PCDHA9: variants seen among roughly 807,000 people sequenced by gnomAD.
PCDHA9 encodes the protein protocadherin alpha-9.
PCDHA9 carries 62 observed loss-of-function variants against 62.0 expected under a neutral mutation model. The observed-to-expected ratio is 1.00, with a 90% confidence interval of 0.81 to 1.23. The LOEUF is 1.23. Ranked by LOEUF, PCDHA9 falls within the 50% of genes most tolerant of loss-of-function variation. The probability of loss-of-function intolerance (pLI) is 0.00; values close to 1 mark genes in which losing one functional copy is unlikely to be tolerated. For synonymous variants in PCDHA9, 557 were observed against 567.6 expected, an observed-to-expected ratio of 0.98 and a Z score of 0.27; for missense variants, 1,205 against 1,249.8, an observed-to-expected ratio of 0.96 and a Z score of 0.54.
chr5:140,895,500 G>A (rs1554186539), intron 1 of PCDHA9, among the ~76,000 whole-genome samples: 2 of 152,046 alleles, frequency 1.3e-5, no homozygotes, highest in African/African-American at 2.4e-5. Context: ...CAGAACTTTT[G>A]CCCAATTTTT....
chr5:140,920,996 CAG>C (rs1554200030), intron 1 of PCDHA9, among the ~76,000 whole-genome samples: 3 of 151,876 alleles, frequency 2.0e-5, no homozygotes, highest in African/African-American at 7.3e-5. Context: ...CTTATTTTTT[CAG>C]AGTCAGGGTC....
chr5:140,928,007 ATGG>A (rs1183344805), intron 1 of PCDHA9: 2 of 1,613,998 alleles, frequency 1.2e-6, no homozygotes, highest in Non-Finnish European at 1.7e-6. Context: ...CTCGATTCTA[ATGG>A]TAGGGTCATT....
intron 3 of PCDHA9, chr5:140,988,926 A>C (rs562175503): frequency 6.6e-6 from 1 of 152,238 alleles, no homozygotes; most frequent in Non-Finnish European, 1.5e-5. Flanking sequence ...ATAGAACAAC[A>C]CTGTTCTCTT....
chr5:140,981,456 C>G (rs2096933076), intron 2 of PCDHA9, among the ~76,000 whole-genome samples: 1 of 152,054 alleles, frequency 6.6e-6, no homozygotes, highest in African/African-American at 2.4e-5. Flanking sequence ...TGCCTGTAGT[C>G]CCAGCTACTT....
At chr5:140,882,208 G>C (rs1554173113) in intron 1 of PCDHA9, 2 of 1,531,598 alleles carry the variant, frequency 1.3e-6, no homozygotes, top group East Asian at 4.5e-5. Flanking sequence ...GGCCTTGAGA[G>C]ACAGTTTGAG....
chr5:140,885,391 T>G, intron 1 of PCDHA9, among the ~76,000 whole-genome samples: 1 of 152,112 alleles, frequency 6.6e-6, no homozygotes, highest in East Asian at 1.9e-4. Context: ...TCCCTGCAAA[T>G]CTAATGGTTT....
intron 1 of PCDHA9, chr5:140,877,387 G>A: frequency 6.2e-7 from 1 of 1,614,010 alleles, no homozygotes; most frequent in Non-Finnish European, 8.5e-7. Flanking sequence ...CATCCTGGAT[G>A]AGGCGGACGC....
intron 1 of PCDHA9, chr5:140,870,575 A>G (rs2052179546): frequency 6.2e-7 from 1 of 1,613,690 alleles, no homozygotes; most frequent in Admixed American, 1.7e-5. Flanking sequence ...CTGGTGTCCT[A>G]CTCGCTGGTG....
chr5:140,871,302 G>T lies in PCDHA9; in HGVS notation c.2394+20413G>T, dbSNP rs2052939724. ...CGCCCACTGAGGGCGCGTGCGCGCCGGGGAAGCCCACGCTGGTGTGCTCCC... is the reference window on the plus strand; with the variant it reads ...CGCCCACTGAGGGCGCGTGCGCGCCTGGGAAGCCCACGCTGGTGTGCTCCC... On this transcript the variant is annotated intron_variant, in intron 1 of 3. Coordinates refer to ENST00000532602, the MANE Select transcript of PCDHA9 (RefSeq NM_031857.2). 1.9e-6 allele frequency: 3 copies of T among 1,613,974 alleles called. 1 individual carries two copies. Among genetic ancestry groups the T allele is most frequent in the South Asian group, 2.2e-5 (2 of 91,078 alleles).
intron 1 of PCDHA9, among the ~76,000 whole-genome samples, chr5:140,939,663 C>T (rs1282923741): frequency 6.6e-6 from 1 of 152,116 alleles, no homozygotes; most frequent in Non-Finnish European, 1.5e-5. Context: ...ACAGGAATAA[C>T]CAACTTGTAT....
chr5:140,853,550 A>G lies in PCDHA9; in HGVS notation c.2394+2661A>G, dbSNP rs1220580978. The G allele has an allele frequency of 5.1e-6, 5 of 979,400 alleles. 1 individual carries two copies. Among genetic ancestry groups the G allele is most frequent in the Non-Finnish European group, 6.2e-6 (5 of 811,998 alleles). 60.7% of individuals were successfully genotyped at this position (979,400 alleles called of 1,614,324 possible). A position where few individuals can be genotyped will look rare whatever the true frequency, so the allele number is the denominator to read the frequency against. On this transcript the variant is annotated intron_variant, in intron 1 of 3. Transcript: ENST00000532602. The stretch of plus-strand genomic sequence containing the variant: ...TGTCTCTTTTCAAGTTGTAATTACT[A>G]TATAGGAAAAACTAAGTTGTCACCC...
chr5:140,964,939 T>C (rs1230992301), intron 1 of PCDHA9, among the ~76,000 whole-genome samples: 1 of 152,182 alleles, frequency 6.6e-6, no homozygotes, highest in Non-Finnish European at 1.5e-5. Flanking sequence ...GGAGCATTGA[T>C]AGTGAGTGTG....
intron 3 of PCDHA9, among the ~76,000 whole-genome samples, chr5:140,997,321 T>C (rs964967011): frequency 1.3e-5 from 2 of 152,174 alleles, no homozygotes; most frequent in Non-Finnish European, 2.9e-5. Flanking sequence ...CTTTAGGCAG[T>C]TTTTTCGTTG....
intron 1 of PCDHA9, chr5:140,877,410 C>G (rs1339534741): frequency 7.4e-6 from 12 of 1,613,922 alleles, no homozygotes; most frequent in Non-Finnish European, 9.3e-6. Context: ...CGCGCCACCG[C>G]CTGCTGGTGC....
At chr5:140,903,873 A>G (rs1173905704) in intron 1 of PCDHA9, among the ~76,000 whole-genome samples, 2 of 152,204 alleles carry the variant, frequency 1.3e-5, no homozygotes, top group Non-Finnish European at 2.9e-5. Context: ...GTAAAATGAC[A>G]AAGACATTGA....
chr5:140,871,026 G>C (rs1562655563), intron 1 of PCDHA9: 2 of 1,613,220 alleles, frequency 1.2e-6, no homozygotes, highest in Non-Finnish European at 8.5e-7. Flanking sequence ...AGGCAGACTC[G>C]CCGCGCCACC....
intron 3 of PCDHA9, among the ~76,000 whole-genome samples, chr5:140,995,674 AT>A (rs1240189428): frequency 1.3e-5 from 2 of 151,994 alleles, no homozygotes; most frequent in Non-Finnish European, 2.9e-5. Flanking sequence ...TAAATGCAGC[AT>A]TTTTTTTAAT....
At chr5:140,967,051 G>A in intron 1 of PCDHA9, 1 of 1,612,562 alleles carries the variant, frequency 6.2e-7, no homozygotes, top group Non-Finnish European at 8.5e-7. Context: ...TGGACCTGAC[G>A]AGTGGAGCGC....
rs782495760 is a variant in PCDHA9 at position 141,010,201 on chromosome 5, C to T, written c.*264C>T. Reference sequence around the variant, plus strand: ...GCAGACCCAAGTTTCCTTTCTCCTCCGCCGCAAAGGAGAGGCTTCCCAGCC... The same window carrying T: ...GCAGACCCAAGTTTCCTTTCTCCTCTGCCGCAAAGGAGAGGCTTCCCAGCC... On this transcript the variant is annotated 3_prime_UTR_variant, in exon 4 of 4. Coordinates refer to ENST00000532602, the MANE Select transcript of PCDHA9 (RefSeq NM_031857.2). The T allele has an allele frequency of 1.3e-5, 20 of 1,552,034 alleles. No individual in the cohort carries two copies. The East Asian group carries it at 1.7e-4, about 13-fold the overall frequency.
Sources: gnomAD v4.1 joint callset for allele counts (sites outside exome capture counted in the v4.1 genomes callset) on GRCh38, gnomAD v4.1.1 for gene constraint, MANE v1.5 for transcripts, NCBI Gene and HGNC (gene_info 2026-07-23, HGNC 2026-07-21) for gene names.